Variants in AVEN observed in about 807,000 individuals in gnomAD.
AVEN encodes the protein apoptosis and caspase activation inhibitor.
AVEN carries 41 observed loss-of-function variants against 38.1 expected under a neutral mutation model. That is an observed-to-expected ratio of 1.08 (90% confidence interval 0.84 to 1.40). The LOEUF (loss-of-function observed/expected upper bound fraction) is 1.40, where lower values mean the gene tolerates loss of function less well. AVEN is among the 40% of genes most tolerant of loss of function. AVEN has a pLI of 0.00. For synonymous variants in AVEN, 206 were observed against 171.8 expected (o/e 1.20, Z -1.56); for missense variants, 605 against 438.8 (o/e 1.38, Z -3.38).
chr15:34,014,375 AAAAAAAAAACAAAAAC>A lies in AVEN; in HGVS notation c.268-11182_268-11167del, dbSNP rs999268259. Among the ~76,000 whole-genome samples the A allele has an allele frequency of 1.2e-4, 12 of 103,386 alleles. 2 individuals are homozygous for A. Among genetic ancestry groups the A allele is most frequent in the Admixed American group, 3.3e-4 (3 of 9,080 alleles). The allele number at this position is 103,386 out of a possible 152,430, so 67.8% of individuals were successfully genotyped here. On this transcript the variant is annotated intron_variant, in intron 1 of 5. Coordinates refer to ENST00000306730, the MANE Select transcript of AVEN (RefSeq NM_020371.3). ...GCGAAACTCCATCTCATTAAAAAAAAAAAAAAAAACAAAAACAAAAACCACGTTTGAGGATTCTGGG... is the reference window on the plus strand; with the variant it reads ...GCGAAACTCCATCTCATTAAAAAAAAAAAAACCACGTTTGAGGATTCTGGG...
At chr15:33,909,265 C>T (rs1049060541) in intron 2 of AVEN, among the ~76,000 whole-genome samples, 3 of 152,258 alleles carry the variant, frequency 2.0e-5, no homozygotes, top group South Asian at 2.1e-4. Context: ...ACTTCCAACA[C>T]CCAAGTGTGG....
At chr15:33,855,204 CT>C (rs201635608), downstream of AVEN, among the ~76,000 whole-genome samples, 7,188 of 147,320 alleles carry the variant, frequency 0.049, 219 homozygotes, top group Non-Finnish European at 0.069. Flanking sequence ...CCTTGGAGAT[CT>C]TTTTTTTTTT....
At chr15:33,980,506 T>C (rs1429351752) in intron 2 of AVEN, among the ~76,000 whole-genome samples, 1 of 152,324 alleles carries the variant, frequency 6.6e-6, no homozygotes, top group East Asian at 1.9e-4. Flanking sequence ...GATGGCCATA[T>C]ATGACATGAG....
At chr15:33,875,229 G>A (rs1396578215) in intron 3 of AVEN, among the ~76,000 whole-genome samples, 1 of 152,142 alleles carries the variant, frequency 6.6e-6, no homozygotes, top group Non-Finnish European at 1.5e-5. Flanking sequence ...GGGGGCAGAT[G>A]GTAATCAGTT....
chr15:34,031,556 C>T (rs1344763186), intron 1 of AVEN, among the ~76,000 whole-genome samples: 1 of 152,126 alleles, frequency 6.6e-6, no homozygotes, highest in Non-Finnish European at 1.5e-5. Context: ...CAGACAGATT[C>T]GTATCAGTCC....
chr15:33,858,143 G>T, downstream of AVEN: 1 of 562,000 alleles, frequency 1.8e-6, no homozygotes, highest in Non-Finnish European at 3.1e-6. Flanking sequence ...TAAGCCCCGT[G>T]GAAAGGGAAG....
chr15:33,957,824 T>G (rs1448304679), intron 2 of AVEN, among the ~76,000 whole-genome samples: 1 of 152,174 alleles, frequency 6.6e-6, no homozygotes, highest in Non-Finnish European at 1.5e-5. Context: ...GAACTGTGAT[T>G]GCCTGGGGAG....
intron 2 of AVEN, among the ~76,000 whole-genome samples, chr15:33,994,204 C>CGTGG (rs1896844820): frequency 6.6e-6 from 1 of 152,162 alleles, no homozygotes; most frequent in Non-Finnish European, 1.5e-5. Flanking sequence ...AGTGCCTGAG[C>CGTGG]GCCACCTCCT....
intron 2 of AVEN, among the ~76,000 whole-genome samples, chr15:33,938,071 T>A (rs1894163232): frequency 6.7e-6 from 1 of 149,256 alleles, no homozygotes; most frequent in African/African-American, 2.6e-5. Context: ...AAAGGAATCA[T>A]AATCATAATA....
the AVEN span, chr15:33,853,614 G>T: frequency 3.1e-6 from 5 of 1,613,938 alleles, no homozygotes; most frequent in Non-Finnish European, 4.2e-6. Flanking sequence ...TTCTGGGTTT[G>T]GACAAAAATG....
At chr15:33,888,353 G>C (rs1891790054) in intron 2 of AVEN, among the ~76,000 whole-genome samples, 1 of 152,082 alleles carries the variant, frequency 6.6e-6, no homozygotes, top group Non-Finnish European at 1.5e-5. Flanking sequence ...TCCAGGTTGG[G>C]GCAGAGTCAG....
intron 2 of AVEN, among the ~76,000 whole-genome samples, chr15:33,943,702 A>G (rs1482278289): frequency 2.0e-5 from 3 of 152,048 alleles, no homozygotes; most frequent in Non-Finnish European, 2.9e-5. Context: ...GCGCACGCCT[A>G]TAATCCCAGC....
In AVEN at chr15:33,867,612, G is replaced by A. The variant is rs1411196615; in HGVS notation, c.856C>T (p.Leu286=). 1.9e-6 allele frequency: 3 copies of A among 1,614,056 alleles called. No individual in the cohort carries two copies. Among genetic ancestry groups the A allele is most frequent in the African/African-American group, 1.3e-5 (1 of 74,912 alleles). The part of the protein sequence containing the change: ...QSAGDHLEEE[L]DLLLNLDAPI... ...GCATCTAAATTAAGCAACAGATCTA[G>A]TTCTTCTTCCAAATGGTCTCCTGCT... The change falls in exon 5 of 6, where the codon CTA becomes TTA. Residue 286 remains leucine, a synonymous_variant. Transcript: ENST00000306730.
downstream of AVEN, chr15:33,864,957 T>C: frequency 1.8e-6 from 1 of 556,356 alleles, no homozygotes; most frequent in Non-Finnish European, 3.2e-6. Flanking sequence ...GAGACATGGC[T>C]TCTTGCTTCC....
In AVEN at chr15:33,876,227, G is replaced by A. The variant is rs574786032; in HGVS notation, c.446-232C>T. Reference sequence around the variant, plus strand: ...GTAAGGCAAAAGGACCAAGAAAAAAGGATAAAATCACTACTCTTAGTCATT... The same window carrying A: ...GTAAGGCAAAAGGACCAAGAAAAAAAGATAAAATCACTACTCTTAGTCATT... On this transcript the variant is annotated intron_variant, in intron 2 of 5. Transcript: ENST00000306730. Among the ~76,000 whole-genome samples, 55 of 152,210 alleles carry A rather than the reference G, an allele frequency of 3.6e-4. No individual in the cohort carries two copies. The East Asian group carries it at 8.7e-3, about 24-fold the overall frequency.
intron 2 of AVEN, among the ~76,000 whole-genome samples, chr15:33,891,046 T>C (rs990515291): frequency 1.1e-4 from 16 of 151,140 alleles, no homozygotes; most frequent in African/African-American, 3.9e-4. Flanking sequence ...GGGGCGAAGG[T>C]TGCAGTGAGC....
intron 2 of AVEN, among the ~76,000 whole-genome samples, chr15:33,907,579 T>G (rs1892752882): frequency 6.6e-6 from 1 of 152,202 alleles, no homozygotes; most frequent in Non-Finnish European, 1.5e-5. Flanking sequence ...GTATTCATAA[T>G]GTATCACAGC....
intron 5 of AVEN, among the ~76,000 whole-genome samples, chr15:34,055,555 A>G (rs1007021097): frequency 1.3e-5 from 2 of 151,786 alleles, no homozygotes; most frequent in Admixed American, 6.6e-5. Context: ...TAATCCCAGC[A>G]CTTTGGGAGG....
intron 2 of AVEN, among the ~76,000 whole-genome samples, chr15:33,901,745 T>C (rs62014461): frequency 0.015 from 2,236 of 152,330 alleles, 35 homozygotes; most frequent in Non-Finnish European, 0.016. Flanking sequence ...TTTTAATTTG[T>C]GTTTCCCCAA....
Sources: gnomAD v4.1 joint callset for allele counts (sites outside exome capture counted in the v4.1 genomes callset) on GRCh38, gnomAD v4.1.1 for gene constraint, MANE v1.5 for transcripts, NCBI Gene and HGNC (gene_info 2026-07-23, HGNC 2026-07-21) for gene names.